The following SCLT1 variants were observed in gnomAD, a reference collection of about 807,000 sequenced individuals.
The protein encoded by SCLT1 is sodium channel-associated protein 1.
Under a neutral mutation model 112.8 loss-of-function variants are expected in SCLT1, and 78 were observed. The ratio of observed to expected loss-of-function variants is 0.69; its 90% confidence interval spans 0.58 to 0.83. The LOEUF (loss-of-function observed/expected upper bound fraction) is 0.83. Among genes scored for constraint, SCLT1 ranks in the 40% least tolerant of loss-of-function variants. SCLT1 has a pLI of 0.00. For missense variants in SCLT1, 747 were observed against 770.4 expected (o/e 0.97, Z 0.36); for synonymous variants, 257 against 254.7 (o/e 1.01, Z -0.09).
intron 2 of SCLT1, among the ~76,000 whole-genome samples, chr4:129,059,021 C>T (rs1261149124): frequency 6.6e-6 from 1 of 152,078 alleles, no homozygotes; most frequent in Non-Finnish European, 1.5e-5. Context: ...TAATTGAATT[C>T]ATCATTATAC....
chr4:128,936,164 T>C (rs1022405769), intron 18 of SCLT1, among the ~76,000 whole-genome samples: 7 of 152,096 alleles, frequency 4.6e-5, no homozygotes, highest in Non-Finnish European at 8.8e-5. Context: ...AGGTTTACTA[T>C]AGTAAATCAT....
chr4:129,073,722 T>G (rs1371934388), intron 2 of SCLT1, among the ~76,000 whole-genome samples: 2 of 152,164 alleles, frequency 1.3e-5, no homozygotes, highest in Non-Finnish European at 2.9e-5. Flanking sequence ...ATTCAGAAAG[T>G]CATTCTTTTA....
At chr4:129,023,867 T>C (rs143704689) in intron 5 of SCLT1, among the ~76,000 whole-genome samples, 2,758 of 152,192 alleles carry the variant, frequency 0.018, 72 homozygotes, top group African/African-American at 0.055. Flanking sequence ...GCTTAGAAAA[T>C]GGCACACCAG....
intron 7 of SCLT1, 138 bp downstream of exon 7, chr4:128,999,533 AT>A: frequency 2.1e-6 from 1 of 487,588 alleles, no homozygotes; most frequent in South Asian, 3.9e-5. Context: ...AAAGATCTAT[AT>A]ATTATTAACA....
chr4:129,021,068 G>A (rs147064582), intron 5 of SCLT1, among the ~76,000 whole-genome samples: 29 of 152,282 alleles, frequency 1.9e-4, no homozygotes, highest in African/African-American at 7.0e-4. Context: ...TCATCTCATC[G>A]GGACTGGTTA....
rs757684671 is a variant in SCLT1 at position 129,075,056 on chromosome 4, C to G, written c.102+7250G>C. On this transcript the variant is annotated intron_variant, in intron 2 of 20. Coordinates refer to ENST00000281142, the MANE Select transcript of SCLT1 (RefSeq NM_144643.4). ...CTGAAATAATGCTGATGGTGTATCACAGAAAAAAATGTCAATAATATTGTA... is the reference window on the plus strand; with the variant it reads ...CTGAAATAATGCTGATGGTGTATCAGAGAAAAAAATGTCAATAATATTGTA... 3.3e-5 allele frequency among the ~76,000 whole-genome samples: 5 copies of G among 152,110 alleles called. No homozygotes were observed. The South Asian group carries it at 1.0e-3, about 32-fold the overall frequency.
intron 13 of SCLT1, among the ~76,000 whole-genome samples, chr4:128,953,171 T>A (rs909732965): frequency 6.6e-6 from 1 of 152,172 alleles, no homozygotes; most frequent in Non-Finnish European, 1.5e-5. Flanking sequence ...TTTAAAGACA[T>A]TTACCTACTA....
intron 11 of SCLT1, among the ~76,000 whole-genome samples, chr4:128,961,156 A>G (rs933379171): frequency 6.6e-6 from 1 of 151,926 alleles, no homozygotes; most frequent in African/African-American, 2.4e-5. Context: ...TCATCCATAG[A>G]TTGTCAGTGT....
chr4:128,924,654 A>G (rs975399888), intron 18 of SCLT1, among the ~76,000 whole-genome samples: 2 of 152,126 alleles, frequency 1.3e-5, no homozygotes, highest in African/African-American at 2.4e-5. Context: ...TTTGCTTATC[A>G]TAAGATTTTC....
chr4:129,080,526 C>T (rs894985094), intron 2 of SCLT1, among the ~76,000 whole-genome samples: 1 of 152,198 alleles, frequency 6.6e-6, no homozygotes, highest in African/African-American at 2.4e-5. Flanking sequence ...GTGACCTTTA[C>T]ACTAGTTCCC....
chr4:128,959,748 T>C lies in SCLT1; in HGVS notation c.899A>G (p.Gln300Arg). The C allele has an allele frequency of 6.2e-7, 1 of 1,613,502 alleles. No individual in the cohort carries two copies. Among genetic ancestry groups the C allele is most frequent in the South Asian group, 1.1e-5 (1 of 91,034 alleles). Reference protein sequence around the residue: ...RLCVTIQEANQLRTENTHLEK... With the variant: ...RLCVTIQEANRLRTENTHLEK... Reference sequence around the variant, plus strand: ...CAGATGTGTATTTTCGGTTCTTAATTGGTTGGCTTCTTGGATTGTCACACA... The same window carrying C: ...CAGATGTGTATTTTCGGTTCTTAATCGGTTGGCTTCTTGGATTGTCACACA... The change falls in exon 12 of 21, where the codon CAA becomes CGA. Residue 300 changes from glutamine to arginine, a missense_variant. This residue lies in a region of SCLT1 where 723 missense variants were observed against 721.3 expected (regional missense o/e 1.00). Coordinates refer to ENST00000281142, the MANE Select transcript of SCLT1 (RefSeq NM_144643.4).
intron 5 of SCLT1, chr4:128,873,998 A>C (rs1256591338): frequency 6.6e-6 from 1 of 152,626 alleles, no homozygotes; most frequent in Non-Finnish European, 1.5e-5. Context: ...TTTAGTAGCT[A>C]ATTCAGGGGA....
At chr4:128,910,550 T>C (rs536913321) in intron 18 of SCLT1, among the ~76,000 whole-genome samples, 1 of 152,300 alleles carries the variant, frequency 6.6e-6, no homozygotes, top group Admixed American at 6.5e-5. Context: ...GTTTAGTATC[T>C]TTCTTCATAA....
chr4:128,995,486 T>C (rs1056529351), intron 8 of SCLT1, among the ~76,000 whole-genome samples: 1 of 152,154 alleles, frequency 6.6e-6, no homozygotes, highest in Non-Finnish European at 1.5e-5. Context: ...GGAACATCTT[T>C]AGCTGGTTCT....
At chr4:128,936,925 A>G in intron 17 of SCLT1, 74 bp from the exon 18 acceptor site, 1 of 595,924 alleles carries the variant, frequency 1.7e-6, no homozygotes, top group East Asian at 3.4e-5. Flanking sequence ...ATATATACAA[A>G]AGGAATCATT....
intron 2 of SCLT1, among the ~76,000 whole-genome samples, chr4:129,070,611 G>A (rs953357108): frequency 5.9e-5 from 9 of 151,958 alleles, no homozygotes; most frequent in Admixed American, 4.6e-4. Context: ...AATACCTCGC[G>A]TTTCATTTCT....
intron 5 of SCLT1, among the ~76,000 whole-genome samples, chr4:129,030,489 T>A (rs1002230749): frequency 6.6e-6 from 1 of 151,892 alleles, no homozygotes; most frequent in African/African-American, 2.4e-5. Flanking sequence ...GACAGAGACA[T>A]GAAAAACTGC....
At chr4:129,034,024 G>C (rs1400025139) in intron 5 of SCLT1, among the ~76,000 whole-genome samples, 1 of 152,122 alleles carries the variant, frequency 6.6e-6, no homozygotes, top group African/African-American at 2.4e-5. Context: ...CAGCAGAGTG[G>C]TGTTGACCAT....
chr4:129,060,608 A>AATT (rs1222207127), intron 2 of SCLT1, among the ~76,000 whole-genome samples: 3 of 152,186 alleles, frequency 2.0e-5, no homozygotes, highest in Non-Finnish European at 2.9e-5. Flanking sequence ...TGTCAGCAGT[A>AATT]ACTGTGGGTT....
Sources: gnomAD v4.1 joint callset for allele counts (sites outside exome capture counted in the v4.1 genomes callset) on GRCh38, gnomAD v4.1.1 for gene constraint, gnomAD v4.1.1 regional missense constraint, MANE v1.5 for transcripts, NCBI Gene and HGNC (gene_info 2026-07-23, HGNC 2026-07-21) for gene names.